DOCK3: variants seen among roughly 807,000 people sequenced by gnomAD.
The protein encoded by DOCK3 is dedicator of cytokinesis protein 3.
DOCK3 carries 60 observed loss-of-function variants against 265.6 expected under a neutral mutation model. The ratio of observed to expected loss-of-function variants is 0.23; its 90% CI spans 0.18 to 0.28. The LOEUF (loss-of-function observed/expected upper bound fraction) is 0.28, where lower values mean the gene tolerates loss of function less well. Among genes scored for constraint, DOCK3 ranks in the 10% least tolerant of loss-of-function variants. The pLI is 1.00. For missense variants in DOCK3, 1,981 were observed against 2,594.3 expected, an observed-to-expected ratio of 0.76 and a Z score of 5.14; for synonymous variants, 881 against 938.0, an observed-to-expected ratio of 0.94 and a Z score of 1.11.
chr3:51,042,849 A>G (rs2080592575), intron 5 of DOCK3, among the ~76,000 whole-genome samples: 1 of 152,298 alleles, frequency 6.6e-6, no homozygotes, highest in East Asian at 1.9e-4. Flanking sequence ...CACAGTTGCC[A>G]TAAAAAGAAT....
chr3:50,997,104 G>C (rs2078313722), intron 5 of DOCK3, among the ~76,000 whole-genome samples: 1 of 152,050 alleles, frequency 6.6e-6, no homozygotes, highest in South Asian at 2.1e-4. Flanking sequence ...ATTGTTTTCT[G>C]TGCTAATCTG....
chr3:51,357,558 C>T (rs943724665), intron 44 of DOCK3, among the ~76,000 whole-genome samples, 200 bp from the exon 45 acceptor site: 37 of 152,266 alleles, frequency 2.4e-4, no homozygotes, highest in South Asian at 6.2e-4. Flanking sequence ...ACTTAGATGG[C>T]TTGGCCACGT....
At chr3:50,902,648 C>G (rs1004852867) in intron 4 of DOCK3, among the ~76,000 whole-genome samples, 1 of 152,124 alleles carries the variant, frequency 6.6e-6, no homozygotes, top group East Asian at 1.9e-4. Context: ...TTAGGATTCT[C>G]TTGGCTATTT....
intron 27 of DOCK3, among the ~76,000 whole-genome samples, chr3:51,308,033 G>A (rs948590729): frequency 6.6e-6 from 1 of 151,666 alleles, no homozygotes; most frequent in Admixed American, 6.6e-5. Context: ...AACAATTCTG[G>A]GGGGTCAGGA....
chr3:50,952,055 T>G (rs2076605428), intron 5 of DOCK3, among the ~76,000 whole-genome samples: 2 of 152,200 alleles, frequency 1.3e-5, no homozygotes, highest in South Asian at 4.1e-4. Flanking sequence ...GCTTTAGTTC[T>G]CTCAGAAGCT....
At chr3:51,339,214 G>T (rs1310778354) in intron 37 of DOCK3, among the ~76,000 whole-genome samples, 186 bp downstream of exon 37, 5 of 152,162 alleles carry the variant, frequency 3.3e-5, no homozygotes, top group Admixed American at 1.3e-4. Flanking sequence ...GAGAAAGCAG[G>T]CAGAACTTCC....
At chr3:50,977,941 C>G (rs149367579) in intron 5 of DOCK3, among the ~76,000 whole-genome samples, 14,387 of 152,002 alleles carry the variant, frequency 0.095, 847 homozygotes, top group Non-Finnish European at 0.12. Context: ...CGCATCGGCT[C>G]CTGAGGCTTC....
chr3:51,000,738 C>T (rs988605405), intron 5 of DOCK3, among the ~76,000 whole-genome samples: 5 of 152,080 alleles, frequency 3.3e-5, no homozygotes, highest in African/African-American at 9.7e-5. Flanking sequence ...CTGCAACCTC[C>T]GCCTCCTGGG....
In DOCK3 at chr3:51,151,091, T is replaced by C. The variant is rs981173245; in HGVS notation, c.828+4461T>C. Among the ~76,000 whole-genome samples, 7 of 152,208 alleles carry C rather than the reference T, an allele frequency of 4.6e-5. No homozygotes were observed. The South Asian group carries it at 1.4e-3, about 31-fold the overall frequency. ...CCTTCTTTGTCTCTTTTGATCTTTA[T>C]TGGCTTAAAGTCTGCCTTATCAGAG... On this transcript the variant is annotated intron_variant, in intron 10 of 52. Transcript: ENST00000266037.
intron 26 of DOCK3, among the ~76,000 whole-genome samples, chr3:51,279,423 T>G (rs1016235754): frequency 1.3e-5 from 2 of 152,226 alleles, no homozygotes; most frequent in South Asian, 4.1e-4. Flanking sequence ...GACTGCCTCC[T>G]GCCAAAAGTT....
intron 12 of DOCK3, among the ~76,000 whole-genome samples, chr3:51,174,778 C>G (rs905734245): frequency 6.6e-6 from 1 of 152,086 alleles, no homozygotes; most frequent in Non-Finnish European, 1.5e-5. Context: ...CTCTTATGTC[C>G]CCAGACTAAT....
In DOCK3 at chr3:50,793,363, T is replaced by C. The variant is rs930565542; in HGVS notation, c.121+14605T>C. Among the ~76,000 whole-genome samples, 5 of 149,552 alleles carry C rather than the reference T, an allele frequency of 3.3e-5. No homozygotes were observed. The East Asian group carries it at 9.8e-4, about 29-fold the overall frequency. ...TTAATTTTCTTTTTCTTTTTCTTTT[T>C]TTTTTTTTTTTTGAGGCAGAGTTTT... On this transcript the variant is annotated intron_variant, in intron 2 of 52. Transcript: ENST00000266037.
chr3:51,075,233 C>T, intron 6 of DOCK3, 123 bp from the exon 7 acceptor site: 1 of 699,230 alleles, frequency 1.4e-6, no homozygotes, highest in Non-Finnish European at 2.4e-6. Context: ...AAGACATGTT[C>T]CTGCTAGGAC....
At chr3:51,349,498 C>T (rs1022002109) in intron 39 of DOCK3, among the ~76,000 whole-genome samples, 1 of 152,144 alleles carries the variant, frequency 6.6e-6, no homozygotes, top group Admixed American at 6.5e-5. Context: ...CTTTCTGCAC[C>T]CTCATCTTTG....
At chr3:51,258,006 C>T (rs1035914367) in intron 22 of DOCK3, among the ~76,000 whole-genome samples, 4 of 152,156 alleles carry the variant, frequency 2.6e-5, no homozygotes, top group Admixed American at 1.3e-4. Flanking sequence ...TGTCCTCATC[C>T]AGGTTTTCAT....
chr3:51,010,344 G>A (rs2078892647), intron 5 of DOCK3, among the ~76,000 whole-genome samples: 1 of 152,076 alleles, frequency 6.6e-6, no homozygotes, highest in African/African-American at 2.4e-5. Context: ...AGCTCTTCTT[G>A]GTGAATTGAT....
At chr3:51,037,093 C>A (rs1359263260) in intron 5 of DOCK3, among the ~76,000 whole-genome samples, 1 of 152,006 alleles carries the variant, frequency 6.6e-6, no homozygotes, top group African/African-American at 2.4e-5. Context: ...TATTTTTGAT[C>A]ACCTTTAAGA....
intron 1 of DOCK3, among the ~76,000 whole-genome samples, chr3:50,740,936 A>G (rs930491002): frequency 1.5e-4 from 23 of 152,028 alleles, no homozygotes; most frequent in African/African-American, 5.3e-4. Flanking sequence ...TAGTTCCCGA[A>G]CTTTTTTATT....
At chr3:50,706,784 T>C (rs2036439458) in intron 1 of DOCK3, among the ~76,000 whole-genome samples, 1 of 150,050 alleles carries the variant, frequency 6.7e-6, no homozygotes, top group Non-Finnish European at 1.5e-5. Context: ...TCTATTCTTT[T>C]ATATTCTTTT....
Sources: gnomAD v4.1 joint callset for allele counts (sites outside exome capture counted in the v4.1 genomes callset) on GRCh38, gnomAD v4.1.1 for gene constraint, MANE v1.5 for transcripts, NCBI Gene and HGNC (gene_info 2026-07-23, HGNC 2026-07-21) for gene names.